MAEL: variants seen among roughly 807,000 people sequenced by gnomAD.
The protein encoded by MAEL is protein maelstrom homolog.
MAEL carries 46 observed loss-of-function variants against 62.0 expected under a neutral mutation model. The observed-to-expected ratio is 0.74, with a 90% CI of 0.59 to 0.95. The LOEUF is 0.95. Among genes scored for constraint, MAEL ranks in the 40% least tolerant of loss-of-function variants. The pLI is 0.00. For synonymous variants in MAEL, 172 were observed against 175.5 expected, an observed-to-expected ratio of 0.98 and a Z score of 0.16; for missense variants, 497 against 526.8, an observed-to-expected ratio of 0.94 and a Z score of 0.55.
chr1:166,996,213 A>G (rs1664417824), intron 5 of MAEL, among the ~76,000 whole-genome samples: 1 of 152,210 alleles, frequency 6.6e-6, no homozygotes, highest in African/African-American at 2.4e-5. Flanking sequence ...TTGTATAGTA[A>G]CACACTGGAA....
Position 167,016,142 on chromosome 1 carries a change from T to G in MAEL, c.846-80T>G, listed in dbSNP as rs1295029183. The G allele has an allele frequency of 2.4e-6, 3 of 1,243,980 alleles. No homozygotes were observed. In the African/African-American group the frequency reaches 4.4e-5, roughly 18 times the overall value. The allele number at this position is 1,243,980 out of a possible 1,614,324, so 77.1% of individuals were successfully genotyped here. A position where few individuals can be genotyped will look rare whatever the true frequency, so the allele number is the denominator to read the frequency against. Reference sequence around the variant, plus strand: ...CAAGTAACCTCATTTTTTAAAAGATTTCAGATAGAAATCTGGCATATAAAA... The same window carrying G: ...CAAGTAACCTCATTTTTTAAAAGATGTCAGATAGAAATCTGGCATATAAAA... On this transcript the variant is annotated intron_variant, in intron 8 of 11. Transcript: ENST00000367872.
chr1:166,993,468 T>C (rs1340138576), intron 4 of MAEL, among the ~76,000 whole-genome samples: 3 of 152,162 alleles, frequency 2.0e-5, no homozygotes, highest in Non-Finnish European at 4.4e-5. Context: ...GAGAAGAGAT[T>C]GGGGACATGA....
chr1:167,007,399 G>A (rs924297429), intron 8 of MAEL, among the ~76,000 whole-genome samples: 3 of 151,950 alleles, frequency 2.0e-5, no homozygotes, highest in African/African-American at 7.2e-5. Flanking sequence ...TACTTTCTTT[G>A]TTCCAGCCCT....
chr1:167,016,063 G>A, intron 8 of MAEL, 159 bp from the exon 9 acceptor site: 1 of 669,832 alleles, frequency 1.5e-6, no homozygotes, highest in Non-Finnish European at 2.7e-6. Context: ...AGAGAATGTA[G>A]CATTAAAATC....
At chr1:167,019,939 C>T (rs35104154) in intron 10 of MAEL, among the ~76,000 whole-genome samples, 18,425 of 152,014 alleles carry the variant, frequency 0.12, 1,394 homozygotes, top group Middle Eastern at 0.17. Flanking sequence ...GTTTGATTTC[C>T]TCTCCTTCAA....
At chr1:167,011,896 C>CACTCAACACAGTGT (rs1665184591) in intron 8 of MAEL, among the ~76,000 whole-genome samples, 2 of 152,106 alleles carry the variant, frequency 1.3e-5, no homozygotes, top group Admixed American at 1.3e-4. Flanking sequence ...TTGAGTTCAG[C>CACTCAACACAGTGT]AGAGTAGCTA....
intron 5 of MAEL, among the ~76,000 whole-genome samples, chr1:167,000,472 A>G (rs1424249585): frequency 6.6e-6 from 1 of 152,218 alleles, no homozygotes; most frequent in African/African-American, 2.4e-5. Flanking sequence ...AAAATAAACT[A>G]GTTGCTTGAG....
Position 167,021,739 on chromosome 1 carries a change from C to T in MAEL, c.1189C>T (p.Leu397=). The T allele has an allele frequency of 6.2e-7, 1 of 1,613,558 alleles. No homozygotes were observed. Among genetic ancestry groups the T allele is most frequent in the Non-Finnish European group, 8.5e-7 (1 of 1,179,728 alleles). ...SVRGRGITRL[L]ESISNSSSNI... ...TCGGGGAAGAGGAATTACCCGCTTA[C>T]TAGAGAGCATTTCCAATTCTTCCAG... Residue 397 remains leucine (L), a synonymous_variant, in exon 12 of 12, where the codon CTA becomes TTA. Coordinates refer to ENST00000367872, the MANE Select transcript of MAEL (RefSeq NM_032858.3).
chr1:166,988,389 C>T (rs1017485845), upstream of MAEL, among the ~76,000 whole-genome samples: 2 of 150,524 alleles, frequency 1.3e-5, no homozygotes, highest in Admixed American at 6.6e-5. Context: ...AAGATAAAAC[C>T]GTGTGATTAC....
At chr1:166,989,854 C>A (rs2102067647) in intron 2 of MAEL, 25 bp downstream of exon 2, 2 of 1,573,034 alleles carry the variant, frequency 1.3e-6, no homozygotes, top group East Asian at 4.5e-5. Context: ...AGAAGAGCCG[C>A]CATCTGCCTG....
At chr1:166,983,694 GA>G (rs926282275) in intron 1 of MAEL, among the ~76,000 whole-genome samples, 2 of 151,724 alleles carry the variant, frequency 1.3e-5, no homozygotes, top group South Asian at 2.1e-4. Flanking sequence ...AAGTAAAATA[GA>G]AAAAAAATCA....
Position 166,992,796 on chromosome 1 carries a change from C to T in MAEL, c.436C>T (p.Leu146Phe), listed in dbSNP as rs1272744039. The T allele has an allele frequency of 1.2e-6, 2 of 1,609,222 alleles. No individual in the cohort carries two copies. The highest frequency in any genetic ancestry group is 3.4e-5 in the Admixed American group (2 of 59,096). Residue 146 changes from leucine to phenylalanine, a missense_variant, in exon 4 of 12, where the codon CTC (leucine) becomes TTC (phenylalanine). Transcript: ENST00000367872. ...TGAAATTGGCTGTGTTAAGTATTCT[C>T]TCCAAGAAGGTATTATGGCAGATTT... ...PCEIGCVKYS[L>F]QEGIMADFHS... is the part of the protein sequence containing the mutation.
intron 5 of MAEL, among the ~76,000 whole-genome samples, chr1:166,998,099 T>C (rs1664504775): frequency 6.6e-6 from 1 of 152,242 alleles, no homozygotes; most frequent in African/African-American, 2.4e-5. Flanking sequence ...TTTGATGATA[T>C]AGATAAGCCC....
At chr1:166,997,328 T>C (rs1177239446) in intron 5 of MAEL, among the ~76,000 whole-genome samples, 1 of 152,244 alleles carries the variant, frequency 6.6e-6, no homozygotes, top group Non-Finnish European at 1.5e-5. Context: ...ACAAGCGTGA[T>C]ATATATATTT....
At position 166,989,284 on chromosome 1, in the gene MAEL, A is replaced by G; in HGVS notation, c.-69A>G. The G allele has an allele frequency of 1.9e-6, 3 of 1,543,898 alleles. No individual in the cohort carries two copies. The highest frequency in any genetic ancestry group is 2.6e-6 in the Non-Finnish European group (3 of 1,142,262). On this transcript the variant is annotated 5_prime_UTR_variant, in exon 1 of 12. Coordinates refer to ENST00000367872, the MANE Select transcript of MAEL (RefSeq NM_032858.3). The stretch of plus-strand genomic sequence containing the variant: ...GCGCAGGCGCCTACCTCTGTTACTT[A>G]GGGCGGGAGCCCGGCGAGGGCGCCG...
At chr1:166,984,001 CAAAA>C (rs5778528) in intron 1 of MAEL, among the ~76,000 whole-genome samples, 3 of 117,710 alleles carry the variant, frequency 2.5e-5, no homozygotes, top group Admixed American at 8.6e-5. Flanking sequence ...GATCCTGTCT[CAAAA>C]AAAAAAAAAA....
chr1:166,991,935 T>C (rs566995021), intron 3 of MAEL, among the ~76,000 whole-genome samples: 2 of 152,202 alleles, frequency 1.3e-5, no homozygotes, highest in Non-Finnish European at 2.9e-5. Flanking sequence ...CATTCCACAA[T>C]GTATACATGT....
intron 4 of MAEL, 59 bp from the exon 5 acceptor site, chr1:166,993,969 A>T: frequency 7.7e-7 from 1 of 1,295,258 alleles, no homozygotes; most frequent in Non-Finnish European, 1.1e-6. Context: ...GTAGAGTATT[A>T]CTGTAGCACT....
At chr1:167,002,907 C>T (rs896322582) in intron 5 of MAEL, among the ~76,000 whole-genome samples, 5 of 152,214 alleles carry the variant, frequency 3.3e-5, no homozygotes, top group South Asian at 4.1e-4. Flanking sequence ...GAATTGGTAA[C>T]GCCCTGGGAA....
Sources: allele counts gnomAD v4.1 joint callset (sites outside exome capture counted in the v4.1 genomes callset), GRCh38; gene constraint gnomAD v4.1.1; transcripts MANE v1.5; gene names NCBI Gene and HGNC (gene_info 2026-07-23, HGNC 2026-07-21).